DNAH10: variants seen among roughly 807,000 people sequenced by gnomAD.
DNAH10 encodes the protein dynein axonemal heavy chain 10.
A neutral mutation model predicts 506.6 loss-of-function variants in DNAH10; 348 were observed. That is an observed-to-expected ratio of 0.69 (90% confidence interval 0.63 to 0.75). The LOEUF (loss-of-function observed/expected upper bound fraction) is 0.75, where lower values mean the gene tolerates loss of function less well. Among genes scored for constraint, DNAH10 ranks in the 30% least tolerant of loss-of-function variants. The pLI is 0.00. For synonymous variants in DNAH10, 2,059 were observed against 2,198.6 expected (o/e 0.94, Z 1.78); for missense variants, 5,179 against 5,787.1 (o/e 0.89, Z 3.41).
rs761581538 is a variant in DNAH10, at chr12:123,916,427, C to T, written c.10723-30C>T. 1 of 1,584,034 alleles carries T rather than the reference C, an allele frequency of 6.3e-7. No homozygotes were observed. The highest frequency in any genetic ancestry group is 1.2e-5 in the South Asian group (1 of 86,038). ...TGGCAGGGCCACAGTTAAACGTGGG[C>T]TTTCAGCATCTGCCTCCCTTCTCTT... is the stretch of plus-strand genomic sequence containing the variant. On this transcript the variant is annotated intron_variant, in intron 62 of 78. Transcript: ENST00000673944. The surrounding 1 kb of genome is among the most constrained non-coding windows in gnomAD (Gnocchi z 4.6).
intron 14 of DNAH10, 92 bp from the exon 15 acceptor site, chr12:123,800,124 A>G (rs1168367403): frequency 2.2e-6 from 3 of 1,339,436 alleles, no homozygotes; most frequent in Non-Finnish European, 3.1e-6. Flanking sequence ...CCCAGTGTTG[A>G]TCTTTTTCAT....
At chr12:123,826,458 A>G (rs1199641487) in intron 24 of DNAH10, among the ~76,000 whole-genome samples, 1 of 152,240 alleles carries the variant, frequency 6.6e-6, no homozygotes, top group African/African-American at 2.4e-5. Context: ...TGGATCCCAC[A>G]CATCCTCAGA....
chr12:123,798,222 C>T (rs907935739), intron 13 of DNAH10, among the ~76,000 whole-genome samples: 59 of 152,298 alleles, frequency 3.9e-4, no homozygotes, highest in Admixed American at 9.8e-4. Context: ...CTATATTAGT[C>T]CATTTTGCTA....
At chr12:123,812,075 C>G (rs1958957446) in intron 19 of DNAH10, among the ~76,000 whole-genome samples, 1 of 152,202 alleles carries the variant, frequency 6.6e-6, no homozygotes, top group South Asian at 2.1e-4. Context: ...TTGTTATTCA[C>G]ATTTTACAGA....
chr12:123,775,822 C>T (rs565448853), intron 5 of DNAH10, among the ~76,000 whole-genome samples: 3 of 152,284 alleles, frequency 2.0e-5, no homozygotes, highest in African/African-American at 7.2e-5. Context: ...CTGTATTAGT[C>T]CATTTTCATG....
In DNAH10 at chr12:123,803,086, C is replaced by G. The variant is rs540708020; in HGVS notation, c.2615-575C>G. ...CAAAAACTGTAAATTTCAACTAAGT[C>G]CAGTGTATCAATTTTTCCTTTAATG... On this transcript the variant is annotated intron_variant, in intron 16 of 78. Transcript: ENST00000673944. Among the ~76,000 whole-genome samples the G allele has an allele frequency of 1.7e-4, 26 of 152,162 alleles. No individual in the cohort carries two copies. In the East Asian group the frequency reaches 4.3e-3, roughly 25 times the overall value.
intron 51 of DNAH10, among the ~76,000 whole-genome samples, chr12:123,883,782 TAGAG>T (rs895130543): frequency 2.6e-5 from 4 of 151,938 alleles, no homozygotes; most frequent in African/African-American, 9.7e-5. Context: ...TTATTCCATT[TAGAG>T]AGAGAGAGAA....
chr12:123,768,283 C>T (rs939734954), intron 2 of DNAH10, among the ~76,000 whole-genome samples: 1 of 152,104 alleles, frequency 6.6e-6, no homozygotes, highest in African/African-American at 2.4e-5. Flanking sequence ...CTCAGGCGCC[C>T]ACCACCACGC....
chr12:123,896,195 A>AGAGAGAGAGAGAG (rs1953236264), intron 54 of DNAH10, among the ~76,000 whole-genome samples: 1 of 144,002 alleles, frequency 6.9e-6, no homozygotes. Context: ...AGAGAGAGAG[A>AGAGAGAGAGAGAG]ATATATTCCC....
intron 65 of DNAH10, among the ~76,000 whole-genome samples, chr12:123,921,696 T>TC (rs1241888901): frequency 3.3e-4 from 3 of 9,090 alleles, no homozygotes; most frequent in African/African-American, 7.2e-4. Flanking sequence ...TTGCAGTTTT[T>TC]TTTTTTTTTT....
chr12:123,876,995 A>G (rs1033667237), intron 47 of DNAH10, among the ~76,000 whole-genome samples: 26 of 152,210 alleles, frequency 1.7e-4, no homozygotes, highest in African/African-American at 6.0e-4. Flanking sequence ...TCGTTATTAT[A>G]GCCATTTTAA....
At position 123,916,361 on chromosome 12, in the gene DNAH10, C is replaced by A. The variant is rs1228467398; in HGVS notation, c.10723-96C>A. The A allele has an allele frequency of 2.7e-6, 4 of 1,490,270 alleles. No individual in the cohort carries two copies. Among genetic ancestry groups the A allele is most frequent in the Non-Finnish European group, 3.6e-6 (4 of 1,109,824 alleles). The allele number at this position is 1,490,270 out of a possible 1,614,324, so 92.3% of individuals were successfully genotyped here. A position where few individuals can be genotyped will look rare whatever the true frequency, so the allele number is the denominator to read the frequency against. On this transcript the variant is annotated intron_variant, in intron 62 of 78. Transcript: ENST00000673944. This position sits in a 1 kb window ranked among gnomAD's most constrained non-coding sequence, Gnocchi z 4.6. ...CCTCTGGCCCCCTCCAAGTTCCTGG[C>A]CCATCCACTTCCCACTTCCAAGCCA...
At position 123,801,410 on chromosome 12, in the gene DNAH10, G is replaced by A. The variant is rs1452668153; in HGVS notation, c.2592G>A (p.Lys864=). The A allele has an allele frequency of 1.2e-6, 2 of 1,614,078 alleles. No homozygotes were observed. The highest frequency in any genetic ancestry group is 2.2e-5 in the South Asian group (2 of 91,042). Reference sequence around the variant, plus strand: ...TCCGAGTGTTTAGGTCGGGATATAAGAGGTTGAACTGGAACTCACTAGGTA... The same window carrying A: ...TCCGAGTGTTTAGGTCGGGATATAAAAGGTTGAACTGGAACTCACTAGGTA... ...ELLRVFRSGY[K]RLNWNSLGIG... The change falls in exon 16 of 79, where the codon AAG becomes AAA. Residue 864 remains lysine (K), a synonymous_variant. Coordinates refer to ENST00000673944, the MANE Select transcript of DNAH10 (RefSeq NM_001372106.1).
At chr12:123,904,888 C>G (rs570885151) in intron 57 of DNAH10, among the ~76,000 whole-genome samples, 1 of 152,150 alleles carries the variant, frequency 6.6e-6, no homozygotes, top group Non-Finnish European at 1.5e-5. Flanking sequence ...GAAAAGCCCA[C>G]GGCCACTGTG....
chr12:123,868,035 A>G lies in DNAH10; in HGVS notation c.7435A>G (p.Lys2479Glu). The stretch of plus-strand genomic sequence containing the variant: ...CTCCCTGCTTGAGGATGGAAGGATG[A>G]AATTTGACGAATATATCAAACGCCT... ...GASLLEDGRM[K>E]FDEYIKRLAS... The change falls in exon 43 of 79, where the codon AAA (lysine) becomes GAA (glutamate). Residue 2479 changes from lysine to glutamate, a missense_variant. Coordinates refer to ENST00000673944, the MANE Select transcript of DNAH10 (RefSeq NM_001372106.1). The G allele has an allele frequency of 6.2e-7, 1 of 1,613,900 alleles. No homozygotes were observed. Among genetic ancestry groups the G allele is most frequent in the Non-Finnish European group, 8.5e-7 (1 of 1,179,874 alleles).
chr12:123,774,610 C>T (rs943997489), intron 5 of DNAH10, among the ~76,000 whole-genome samples: 15 of 152,140 alleles, frequency 9.9e-5, no homozygotes, highest in Admixed American at 7.2e-4. Flanking sequence ...TTATGGGAAA[C>T]GAAGGGATGG....
At position 123,850,777 on chromosome 12, in the gene DNAH10, C is replaced by A; in HGVS notation, c.6103-111C>A. 8.9e-7 allele frequency: 1 copy of A among 1,122,930 alleles called. No homozygotes were observed. The highest frequency in any genetic ancestry group is 1.2e-6 in the Non-Finnish European group (1 of 803,246). The allele number at this position is 1,122,930 out of a possible 1,614,324, so 69.6% of individuals were successfully genotyped here. A position where few individuals can be genotyped will look rare whatever the true frequency, so the allele number is the denominator to read the frequency against. ...AAAAGAGACAAGTGGTGTTGTCAGC[C>A]TCATACCATGAAAATGAATCGCCAC... is the stretch of plus-strand genomic sequence containing the variant. On this transcript the variant is annotated intron_variant, in intron 34 of 78. Transcript: ENST00000673944. This position sits in a 1 kb window ranked among gnomAD's most constrained non-coding sequence, Gnocchi z 5.5.
At position 123,785,872 on chromosome 12, in the gene DNAH10, G is replaced by T; in HGVS notation, c.1357G>T (p.Glu453Ter). 1 of 1,614,190 alleles carries T rather than the reference G, an allele frequency of 6.2e-7. No homozygotes were observed. The highest frequency in any genetic ancestry group is 1.1e-5 in the South Asian group (1 of 91,084). Residue 453 changes from glutamate to a stop codon, truncating the protein, a stop_gained, in exon 9 of 79, where the codon GAG becomes TAG. Transcript: ENST00000673944. LOFTEE classifies it high-confidence loss of function. The surrounding 1 kb of genome is among the most constrained non-coding windows in gnomAD (Gnocchi z 4.1). ...AGACGAGAGGATGATTCCGCTCATG[G>T]AGCGCATCGCCTGGGAAATCGCTGA... ...NKDERMIPLM[E>*]RIAWEIAERV...
In DNAH10 at chr12:123,909,577, C is replaced by A; in HGVS notation, c.9997+135C>A. On this transcript the variant is annotated intron_variant, in intron 58 of 78. Transcript: ENST00000673944. The surrounding 1 kb of genome is among the most constrained non-coding windows in gnomAD (Gnocchi z 5.4). ...TCTGGTCAGATGGTATCGGATGGAA[C>A]AGGCAACTGATGGTCACCAGAGGAA... is the stretch of plus-strand genomic sequence containing the variant. The A allele has an allele frequency of 8.6e-7, 1 of 1,165,338 alleles. No individual in the cohort carries two copies. The highest frequency in any genetic ancestry group is 1.2e-6 in the Non-Finnish European group (1 of 853,598). 72.2% of individuals were successfully genotyped at this position (1,165,338 alleles called of 1,614,324 possible). A position where few individuals can be genotyped will look rare whatever the true frequency, so the allele number is the denominator to read the frequency against.
Sources: gnomAD v4.1 joint callset for allele counts (sites outside exome capture counted in the v4.1 genomes callset) on GRCh38, gnomAD v4.1.1 for gene constraint, Gnocchi (gnomAD v3.1) non-coding constraint, MANE v1.5 for transcripts, NCBI Gene and HGNC (gene_info 2026-07-23, HGNC 2026-07-21) for gene names.